BACH2: variants seen among roughly 807,000 people sequenced by gnomAD.
BACH2 encodes the protein BACH transcriptional regulator 2, also known as transcription regulator protein BACH2.
A neutral mutation model predicts 61.8 loss-of-function variants in BACH2; 5 were observed. The ratio of observed to expected loss-of-function variants is 0.08; its 90% CI spans 0.04 to 0.17. The LOEUF is 0.17. Ranked by LOEUF, BACH2 falls within the 10% of genes least tolerant of loss-of-function variation. The pLI is 1.00. For synonymous variants in BACH2, 446 were observed against 440.1 expected (o/e 1.01, Z -0.17); for missense variants, 824 against 1,091.1 (o/e 0.76, Z 3.45).
At chr6:90,250,634 C>A (rs781408504) in intron 3 of BACH2, among the ~76,000 whole-genome samples, 3 of 152,212 alleles carry the variant, frequency 2.0e-5, no homozygotes, top group South Asian at 4.2e-4. Context: ...TCCTGTGTTA[C>A]GTCCACACAG....
intron 5 of BACH2, among the ~76,000 whole-genome samples, chr6:90,032,332 C>T (rs1287687790): frequency 6.9e-6 from 1 of 144,414 alleles, no homozygotes; most frequent in Non-Finnish European, 1.5e-5. Context: ...AAAGCAATGG[C>T]AACAAAAGCC....
chr6:90,249,424 C>T (rs1178205615), intron 3 of BACH2, among the ~76,000 whole-genome samples: 2 of 152,164 alleles, frequency 1.3e-5, no homozygotes. Flanking sequence ...TGCCAACTAC[C>T]TAACAGCAAT....
intron 2 of BACH2, among the ~76,000 whole-genome samples, chr6:90,263,057 A>C (rs970739354): frequency 6.6e-6 from 1 of 152,232 alleles, no homozygotes. Flanking sequence ...TAAAATAAAA[A>C]ATCTCCATGG....
intron 6 of BACH2, among the ~76,000 whole-genome samples, chr6:89,972,446 C>G (rs1419181805): frequency 6.6e-6 from 1 of 152,172 alleles, no homozygotes; most frequent in African/African-American, 2.4e-5. Flanking sequence ...CTAAAAAAAG[C>G]ATCATGTTGC....
intron 4 of BACH2, among the ~76,000 whole-genome samples, chr6:90,144,806 T>C (rs1401000330): frequency 6.6e-6 from 1 of 152,178 alleles, no homozygotes; most frequent in Admixed American, 6.5e-5. Context: ...CACAAGTTTT[T>C]CAAAAGAAAC....
At chr6:90,149,491 T>C (rs1784737326) in intron 4 of BACH2, among the ~76,000 whole-genome samples, 1 of 152,182 alleles carries the variant, frequency 6.6e-6, no homozygotes, top group Non-Finnish European at 1.5e-5. Context: ...TCTCGATTCA[T>C]ACAGGTTACT....
intron 6 of BACH2, among the ~76,000 whole-genome samples, chr6:89,961,466 T>C (rs902018929): frequency 1.3e-5 from 2 of 152,214 alleles, no homozygotes; most frequent in African/African-American, 4.8e-5. Context: ...AATTTCCATT[T>C]TAAATGACCC....
At chr6:90,263,590 C>G (rs994830218) in intron 2 of BACH2, among the ~76,000 whole-genome samples, 1 of 152,158 alleles carries the variant, frequency 6.6e-6, no homozygotes, top group African/African-American at 2.4e-5. Flanking sequence ...TAACTTTGTT[C>G]CTGCTGTTCA....
At chr6:90,070,352 G>A (rs985622174) in intron 5 of BACH2, among the ~76,000 whole-genome samples, 2 of 152,172 alleles carry the variant, frequency 1.3e-5, no homozygotes, top group East Asian at 1.9e-4. Context: ...CATGGACTGG[G>A]ACTTGATCCA....
chr6:90,230,051 G>A (rs1461701262), intron 3 of BACH2, among the ~76,000 whole-genome samples: 2 of 152,128 alleles, frequency 1.3e-5, no homozygotes, highest in African/African-American at 4.8e-5. Flanking sequence ...GATCCAGAAT[G>A]GGGCCCCAAG....
At chr6:89,949,374 C>T (rs1180658933) in intron 7 of BACH2, among the ~76,000 whole-genome samples, 1 of 152,122 alleles carries the variant, frequency 6.6e-6, no homozygotes, top group Non-Finnish European at 1.5e-5. Context: ...GTGCAGTGAA[C>T]GCCAGGTCAC....
intron 2 of BACH2, among the ~76,000 whole-genome samples, chr6:90,267,232 C>T (rs1255785249): frequency 6.6e-6 from 1 of 152,020 alleles, no homozygotes; most frequent in Non-Finnish European, 1.5e-5. Context: ...AAACTTGGTA[C>T]ACAAAAGACC....
chr6:90,270,222 C>T (rs1344781135), intron 2 of BACH2, among the ~76,000 whole-genome samples: 1 of 152,134 alleles, frequency 6.6e-6, no homozygotes, highest in Admixed American at 6.5e-5. Flanking sequence ...CATATAATGA[C>T]TTCTTTTCCT....
intron 4 of BACH2, among the ~76,000 whole-genome samples, chr6:90,135,636 C>T (rs1486545431): frequency 1.3e-5 from 2 of 152,086 alleles, no homozygotes; most frequent in East Asian, 3.9e-4. Flanking sequence ...ACTGCTGGAG[C>T]CCAGGAGGTT....
chr6:90,105,625 T>C (rs1188880577), intron 4 of BACH2, among the ~76,000 whole-genome samples: 2 of 152,250 alleles, frequency 1.3e-5, no homozygotes, highest in East Asian at 3.8e-4. Context: ...TATGATTCTT[T>C]TTTAAAGGCC....
chr6:90,006,746 A>G (rs1157657321), intron 6 of BACH2, among the ~76,000 whole-genome samples: 1 of 151,982 alleles, frequency 6.6e-6, no homozygotes, highest in East Asian at 2.0e-4. Context: ...CCTCCTGAGT[A>G]GCTGAGACCA....
chr6:90,142,373 A>G (rs1233896877), intron 4 of BACH2, among the ~76,000 whole-genome samples: 3 of 152,158 alleles, frequency 2.0e-5, no homozygotes, highest in Non-Finnish European at 2.9e-5. Context: ...ATGGCATCCA[A>G]TCCTAGGCTA....
intron 5 of BACH2, among the ~76,000 whole-genome samples, chr6:90,049,759 AT>A (rs1316478226): frequency 2.0e-5 from 3 of 152,226 alleles, no homozygotes; most frequent in Non-Finnish European, 4.4e-5. Flanking sequence ...AACACATAAC[AT>A]TTTAACACTC....
chr6:90,115,097 C>A (rs2226125), intron 4 of BACH2, among the ~76,000 whole-genome samples: 1 of 152,102 alleles, frequency 6.6e-6, no homozygotes, highest in African/African-American at 2.4e-5. Context: ...CTATACTGCC[C>A]GAAGCAATTT....
Sources: gnomAD v4.1 joint callset for allele counts (sites outside exome capture counted in the v4.1 genomes callset) on GRCh38, gnomAD v4.1.1 for gene constraint, MANE v1.5 for transcripts, NCBI Gene and HGNC (gene_info 2026-07-23, HGNC 2026-07-21) for gene names.